Variants in DRC2 observed in about 807,000 individuals in gnomAD.
The protein encoded by DRC2 is coiled-coil domain containing 65.
the DRC2 span, chr12:48,921,286 G>A: frequency 1.2e-5 from 20 of 1,614,198 alleles, no homozygotes; most frequent in Non-Finnish European, 1.5e-5. Context: ...GGGAAGCTGC[G>A]GGAGATGCTG....
the DRC2 span, chr12:48,918,612 GCCCT>G: frequency 2.6e-6 from 4 of 1,518,132 alleles, 1 homozygote; most frequent in Non-Finnish European, 3.6e-6. Context: ...TCCCCAGGCA[GCCCT>G]TTTACCTGTC....
chr12:48,916,303 G>C, the DRC2 span, among the ~76,000 whole-genome samples: 2 of 152,254 alleles, frequency 1.3e-5, no homozygotes, highest in African/African-American at 2.4e-5. Context: ...ACTCCAGCCT[G>C]GGCGCCATTG....
At chr12:48,905,528 A>G in the DRC2 span, among the ~76,000 whole-genome samples, 6 of 152,302 alleles carry the variant, frequency 3.9e-5, no homozygotes, top group South Asian at 4.1e-4. Flanking sequence ...GCTCCATTCA[A>G]CTAAATTGTT....
At chr12:48,914,522 A>T in the DRC2 span, 1 of 1,614,058 alleles carries the variant, frequency 6.2e-7, no homozygotes, top group Non-Finnish European at 8.5e-7. Flanking sequence ...CTCCTGGAGG[A>T]AAGTTACAAC....
chr12:48,920,441 T>TTTAAAAAAAAAAAAAAA, the DRC2 span, among the ~76,000 whole-genome samples: 11 of 67,812 alleles, frequency 1.6e-4, 1 homozygote, highest in Non-Finnish European at 2.1e-4. Context: ...AACTCCATCT[T>TTTAAAAAAAAAAAAAAA]AAAAAAAAAA....
At chr12:48,909,930 G>A in the DRC2 span, among the ~76,000 whole-genome samples, 22 of 151,986 alleles carry the variant, frequency 1.4e-4, no homozygotes, top group East Asian at 3.5e-3. Context: ...ACAGGTGTGC[G>A]CCACCATGCT....
At chr12:48,919,343 C>T in the DRC2 span, among the ~76,000 whole-genome samples, 3 of 151,648 alleles carry the variant, frequency 2.0e-5, no homozygotes, top group South Asian at 6.3e-4. Context: ...CCTCCCGCCA[C>T]AGCCTCCCCA....
the DRC2 span, chr12:48,916,820 C>G: frequency 1.2e-5 from 8 of 646,026 alleles, no homozygotes; most frequent in Non-Finnish European, 2.0e-5. Context: ...TCTTTCTAGC[C>G]CTAAAAAGAG....
the DRC2 span, among the ~76,000 whole-genome samples, chr12:48,909,549 C>T: frequency 6.6e-6 from 1 of 152,104 alleles, no homozygotes; most frequent in Non-Finnish European, 1.5e-5. Flanking sequence ...GCGATCTTGG[C>T]TCACTGTAAC....
At chr12:48,917,013 C>T in the DRC2 span, 32 of 1,613,988 alleles carry the variant, frequency 2.0e-5, no homozygotes, top group Non-Finnish European at 2.7e-5. Context: ...TCACTATCTG[C>T]AAGATATCTT....
the DRC2 span, chr12:48,920,949 T>C: frequency 1.2e-6 from 2 of 1,612,724 alleles, no homozygotes; most frequent in East Asian, 2.2e-5. Flanking sequence ...ATCCTTAAAC[T>C]TGCTGAAATA....
chr12:48,921,299 G>A, the DRC2 span: 1 of 1,614,232 alleles, frequency 6.2e-7, no homozygotes, highest in South Asian at 1.1e-5. Flanking sequence ...AGATGCTGAA[G>A]CAGTACTTGG....
At chr12:48,919,396 G>A in the DRC2 span, among the ~76,000 whole-genome samples, 6,497 of 150,964 alleles carry the variant, frequency 0.043, 188 homozygotes, top group Non-Finnish European at 0.061. Flanking sequence ...ATGGGGTTTC[G>A]CCATGTTGCC....
chr12:48,908,723 CCT>C, the DRC2 span, among the ~76,000 whole-genome samples: 2 of 151,942 alleles, frequency 1.3e-5, no homozygotes, highest in East Asian at 3.9e-4. Flanking sequence ...GCCTCAGCCT[CCT>C]GAGTAGCTGG....
At chr12:48,904,315 C>T in the DRC2 span, 2 of 1,602,482 alleles carry the variant, frequency 1.2e-6, no homozygotes, top group Non-Finnish European at 1.7e-6. Context: ...GGCTTCTTTC[C>T]CGGATCCAAT....
chr12:48,917,809 T>TC, the DRC2 span, among the ~76,000 whole-genome samples: 1 of 152,180 alleles, frequency 6.6e-6, no homozygotes, highest in African/African-American at 2.4e-5. Flanking sequence ...CAAAGTGCTT[T>TC]CCACTGTCCT....
chr12:48,904,246 G>A, the DRC2 span: 1 of 1,505,304 alleles, frequency 6.6e-7, no homozygotes. Flanking sequence ...ACTTCTGGAA[G>A]TCCCCTTTCT....
the DRC2 span, among the ~76,000 whole-genome samples, chr12:48,915,738 C>A: frequency 6.7e-6 from 1 of 149,676 alleles, no homozygotes; most frequent in Non-Finnish European, 1.5e-5. Context: ...GGCAGAGGCA[C>A]CCCTCACCTC....
the DRC2 span, among the ~76,000 whole-genome samples, chr12:48,920,465 A>AAAAAAAAAAAAG: frequency 6.7e-6 from 1 of 148,310 alleles, no homozygotes; most frequent in Non-Finnish European, 1.5e-5. Flanking sequence ...AAAAAAAAAA[A>AAAAAAAAAAAAG]AAGAATGAGA....
Sources: gnomAD v4.1 joint callset for allele counts (sites outside exome capture counted in the v4.1 genomes callset) on GRCh38, gnomAD v4.1.1 for gene constraint, MANE v1.5 for transcripts, NCBI Gene and HGNC (gene_info 2026-07-23, HGNC 2026-07-21) for gene names.